The following SYN2 variants were observed in gnomAD, a reference collection of about 807,000 sequenced individuals.
SYN2 encodes synapsin II.
A neutral mutation model predicts 50.9 loss-of-function variants in SYN2; 19 were observed. The observed-to-expected ratio is 0.37, with a 90% CI of 0.26 to 0.55. SYN2 has a LOEUF of 0.55. SYN2 is among the 20% of genes least tolerant of loss of function. SYN2 has a pLI of 0.81. For synonymous variants in SYN2, 255 were observed against 224.9 expected, an observed-to-expected ratio of 1.13 and a Z score of -1.20; for missense variants, 587 against 576.4, an observed-to-expected ratio of 1.02 and a Z score of -0.19.
chr3:12,180,790 C>A (rs1349063080), intron 10 of SYN2, among the ~76,000 whole-genome samples: 1 of 152,196 alleles, frequency 6.6e-6, no homozygotes, highest in Non-Finnish European at 1.5e-5. Context: ...CACTTCTGGG[C>A]TTAGTTCATC....
rs1559436833 is a variant in SYN2, at chr3:12,142,005, CT to C, written c.527+12del. 2 of 780,690 alleles carry C rather than the reference CT, an allele frequency of 2.6e-6. No homozygotes were observed. The highest frequency in any genetic ancestry group is 4.8e-5 in the East Asian group (2 of 41,252). The allele number at this position is 780,690 out of a possible 1,614,324, so 48.4% of individuals were successfully genotyped here. A position where few individuals can be genotyped will look rare whatever the true frequency, so the allele number is the denominator to read the frequency against. ...GGCACAAAGGTTGTCCGGTAAGGGTCTTTCTGTCCTCAGGATCATTGTGACT... is the reference window on the plus strand; with the variant it reads ...GGCACAAAGGTTGTCCGGTAAGGGTCTTCTGTCCTCAGGATCATTGTGACT... On this transcript the variant is annotated intron_variant, in intron 3 of 12. Coordinates refer to ENST00000621198, the MANE Select transcript of SYN2 (RefSeq NM_133625.6).
intron 5 of SYN2, 59 bp downstream of exon 5, chr3:12,151,385 C>T: frequency 7.2e-7 from 1 of 1,385,508 alleles, no homozygotes. Context: ...ACTTAGCCAC[C>T]TGGTTATTGT....
chr3:12,159,974 C>G (rs1489441202), intron 5 of SYN2, among the ~76,000 whole-genome samples: 2 of 127,580 alleles, frequency 1.6e-5, no homozygotes, highest in African/African-American at 5.9e-5. Context: ...ACCCAGGAGG[C>G]GGAGGTTGAA....
chr3:12,087,100 C>A (rs1485074788), intron 1 of SYN2, among the ~76,000 whole-genome samples: 1 of 152,028 alleles, frequency 6.6e-6, no homozygotes, highest in Non-Finnish European at 1.5e-5. Flanking sequence ...AGAAAACAGT[C>A]CCACTTACAA....
chr3:12,108,363 G>A (rs967355791), intron 1 of SYN2, among the ~76,000 whole-genome samples: 5 of 152,198 alleles, frequency 3.3e-5, no homozygotes, highest in African/African-American at 7.2e-5. Context: ...TGAAAATAAC[G>A]CAGATATCCC....
chr3:12,183,236 A>G (rs983374177), intron 10 of SYN2, 76 bp from the exon 11 acceptor site: 8 of 1,531,266 alleles, frequency 5.2e-6, no homozygotes, highest in Middle Eastern at 1.7e-4. Context: ...CGGCCTTGCC[A>G]TGGAGCCACG....
intron 5 of SYN2, among the ~76,000 whole-genome samples, chr3:12,154,106 G>A (rs375151237): frequency 6.6e-6 from 1 of 152,326 alleles, no homozygotes; most frequent in African/African-American, 2.4e-5. Flanking sequence ...AAGGGTAGCT[G>A]TGTTACAGTT....
intron 11 of SYN2, chr3:12,185,019 GCCTT>G: frequency 5.1e-6 from 5 of 985,834 alleles, no homozygotes; most frequent in Non-Finnish European, 6.0e-6. Context: ...AGGGGCTTGT[GCCTT>G]GGTTTCTCCT....
chr3:12,166,918 A>C (rs1463854959), intron 7 of SYN2, among the ~76,000 whole-genome samples: 1 of 152,260 alleles, frequency 6.6e-6, no homozygotes, highest in Non-Finnish European at 1.5e-5. Flanking sequence ...AAGTAGATTT[A>C]AGATTGAAAA....
chr3:12,169,688 C>T, intron 9 of SYN2, 69 bp from the exon 10 acceptor site: 2 of 1,569,924 alleles, frequency 1.3e-6, no homozygotes, highest in South Asian at 2.4e-5. Flanking sequence ...CCTACCCATT[C>T]TGAAAGATTG....
intron 1 of SYN2, among the ~76,000 whole-genome samples, chr3:12,008,455 C>T (rs1344092326): frequency 1.3e-5 from 2 of 152,136 alleles, no homozygotes; most frequent in Non-Finnish European, 2.9e-5. Context: ...GCCTTTGGAT[C>T]AACAGCATTG....
intron 5 of SYN2, 135 bp downstream of exon 5, chr3:12,151,461 T>C (rs1697290100): frequency 1.5e-6 from 1 of 659,824 alleles, no homozygotes; most frequent in Non-Finnish European, 2.7e-6. Flanking sequence ...CTATAGAGCT[T>C]ATGCGGCTGG....
intron 1 of SYN2, among the ~76,000 whole-genome samples, chr3:12,060,706 C>G (rs946511629): frequency 2.0e-5 from 3 of 152,112 alleles, no homozygotes; most frequent in African/African-American, 7.2e-5. Context: ...GAATTTGAAG[C>G]CTCTGGCACT....
chr3:12,130,661 GT>G (rs1374680386), intron 1 of SYN2, among the ~76,000 whole-genome samples: 2 of 152,172 alleles, frequency 1.3e-5, no homozygotes, highest in Non-Finnish European at 2.9e-5. Flanking sequence ...GCCTAATCAA[GT>G]TAACACATAA....
At chr3:12,057,681 C>A (rs1354209097) in intron 1 of SYN2, among the ~76,000 whole-genome samples, 1 of 152,072 alleles carries the variant, frequency 6.6e-6, no homozygotes, top group Non-Finnish European at 1.5e-5. Context: ...TAACTTTGGG[C>A]TCTTAATTTA....
Sources: allele counts gnomAD v4.1 joint callset (sites outside exome capture counted in the v4.1 genomes callset), GRCh38; gene constraint gnomAD v4.1.1; transcripts MANE v1.5; gene names NCBI Gene and HGNC (gene_info 2026-07-23, HGNC 2026-07-21).